The following GARNL3 variants were observed in gnomAD, a reference collection of about 807,000 sequenced individuals.
The protein encoded by GARNL3 is GTPase activating Rap/RanGAP domain like 3, also known as GTPase-activating Rap/Ran-GAP domain-like protein 3.
Under a neutral mutation model 125.0 loss-of-function variants are expected in GARNL3, and 63 were observed. The ratio of observed to expected loss-of-function variants is 0.50; its 90% CI spans 0.41 to 0.62. The LOEUF is 0.62. Among genes scored for constraint, GARNL3 ranks in the 20% least tolerant of loss-of-function variants. The pLI, the probability that GARNL3 is intolerant of heterozygous loss-of-function variation, is 0.00. For synonymous variants in GARNL3, 439 were observed against 457.5 expected (o/e 0.96, Z 0.52); for missense variants, 994 against 1,244.0 (o/e 0.80, Z 3.02).
intron 14 of GARNL3, among the ~76,000 whole-genome samples, chr9:127,343,628 G>A (rs934397783): frequency 5.3e-5 from 8 of 152,128 alleles, no homozygotes; most frequent in East Asian, 1.9e-4. Context: ...GTGCTCAGTC[G>A]GTACTTGCTG....
intron 26 of GARNL3, 142 bp downstream of exon 26, chr9:127,389,261 T>C (rs1484653386): frequency 1.6e-6 from 1 of 631,674 alleles, no homozygotes; most frequent in Non-Finnish European, 2.8e-6. Context: ...TTCTAATACC[T>C]CTATACCAAG....
In GARNL3 at chr9:127,278,828, G is replaced by A. The variant is rs534683141; in HGVS notation, c.145-12340G>A. On this transcript the variant is annotated intron_variant, in intron 1 of 27. Transcript: ENST00000373387. ...CTCTTCTAGTTTCTGGGGTTGCGGC[G>A]GCAATCCTTAACCCCCTTTGGCTTG... Among the ~76,000 whole-genome samples, 10 of 152,184 alleles carry A rather than the reference G, an allele frequency of 6.6e-5. No individual in the cohort carries two copies. The South Asian group carries it at 8.3e-4, about 13-fold the overall frequency.
chr9:127,251,394 T>G (rs1476306789), intron 2 of GARNL3, among the ~76,000 whole-genome samples: 1 of 152,248 alleles, frequency 6.6e-6, no homozygotes, highest in East Asian at 1.9e-4. Context: ...TTCATAGTTT[T>G]TTTTGTTTTG....
chr9:127,376,948 A>G lies in GARNL3; in HGVS notation c.2162-6490A>G, dbSNP rs560943067. On this transcript the variant is annotated intron_variant, in intron 22 of 27. Transcript: ENST00000373387. ...AAATATACTATGCTACTGAATGGGA[A>G]GACTTCATCTTGCAAAGATGTATAT... Among the ~76,000 whole-genome samples the G allele has an allele frequency of 2.3e-3, 345 of 152,360 alleles. 1 individual carries two copies. Among genetic ancestry groups the G allele is most frequent in the Non-Finnish European group, 3.5e-3 (238 of 68,030 alleles).
chr9:127,306,199 G>A, intron 2 of GARNL3, among the ~76,000 whole-genome samples: 1 of 152,062 alleles, frequency 6.6e-6, no homozygotes, highest in Admixed American at 6.6e-5. Context: ...TTAAATACTA[G>A]GATTACGAAG....
At chr9:127,339,788 C>A in intron 13 of GARNL3, 37 bp downstream of exon 13, 1 of 1,241,206 alleles carries the variant, frequency 8.1e-7, no homozygotes, top group Non-Finnish European at 1.2e-6. Flanking sequence ...GCAACTTGTT[C>A]TATGTCAGAA....
At chr9:127,348,818 G>T in intron 16 of GARNL3, 106 bp from the exon 17 acceptor site, 1 of 684,902 alleles carries the variant, frequency 1.5e-6, no homozygotes. Context: ...TCCCACGGGG[G>T]TATCTGTGTT....
intron 20 of GARNL3, chr9:127,356,304 G>T (rs1011195651): frequency 6.6e-6 from 1 of 152,218 alleles, no homozygotes. Flanking sequence ...GGAAGAAGCC[G>T]TGGGCAATGC....
chr9:127,320,488 G>C (rs2065364491), intron 5 of GARNL3, among the ~76,000 whole-genome samples: 1 of 152,210 alleles, frequency 6.6e-6, no homozygotes, highest in Non-Finnish European at 1.5e-5. Flanking sequence ...ACCTGAAACA[G>C]ATGTTCCTGA....
At chr9:127,303,496 A>G (rs914464826) in intron 2 of GARNL3, among the ~76,000 whole-genome samples, 2 of 152,188 alleles carry the variant, frequency 1.3e-5, no homozygotes, top group Non-Finnish European at 2.9e-5. Context: ...TCACATTTTT[A>G]TAATCAGCTT....
intron 1 of GARNL3, among the ~76,000 whole-genome samples, chr9:127,231,815 A>G (rs1374963560): frequency 1.3e-5 from 2 of 152,074 alleles, no homozygotes; most frequent in Non-Finnish European, 2.9e-5. Context: ...CATAGATAGG[A>G]GGAGGGCTTC....
chr9:127,351,934 CCTT>C (rs1230009234), intron 17 of GARNL3, among the ~76,000 whole-genome samples: 10 of 152,348 alleles, frequency 6.6e-5, no homozygotes, highest in African/African-American at 2.2e-4. Flanking sequence ...GCCTCCTCCT[CCTT>C]CTTGTGTTGT....
chr9:127,286,205 G>C (rs899770891), intron 1 of GARNL3, among the ~76,000 whole-genome samples: 1 of 152,174 alleles, frequency 6.6e-6, no homozygotes, highest in Admixed American at 6.5e-5. Context: ...AATAACAAAG[G>C]GCTGGATGCA....
At chr9:127,255,272 T>C (rs1473999206) in intron 2 of GARNL3, among the ~76,000 whole-genome samples, 1 of 152,216 alleles carries the variant, frequency 6.6e-6, no homozygotes, top group African/African-American at 2.4e-5. Flanking sequence ...TGGAGGATAT[T>C]GATGCAGCAG....
intron 2 of GARNL3, among the ~76,000 whole-genome samples, chr9:127,255,101 A>T (rs1271537741): frequency 6.6e-6 from 1 of 152,278 alleles, no homozygotes; most frequent in Non-Finnish European, 1.5e-5. Flanking sequence ...GACACTATGT[A>T]GAAAAAATAA....
At chr9:127,233,362 T>A (rs753149472) in intron 1 of GARNL3, among the ~76,000 whole-genome samples, 48 of 152,206 alleles carry the variant, frequency 3.2e-4, no homozygotes, top group Non-Finnish European at 6.2e-4. Flanking sequence ...GGTCACGTGC[T>A]GAAATCTTCC....
chr9:127,281,050 G>A (rs2064089029), intron 1 of GARNL3, among the ~76,000 whole-genome samples: 1 of 152,310 alleles, frequency 6.6e-6, no homozygotes, highest in South Asian at 2.1e-4. Context: ...TCAGTTGGCA[G>A]GGTGTGAGCG....
intron 6 of GARNL3, among the ~76,000 whole-genome samples, chr9:127,322,843 G>A (rs1291467989): frequency 2.0e-5 from 3 of 152,164 alleles, no homozygotes; most frequent in African/African-American, 7.2e-5. Context: ...CTATACTGTA[G>A]TAACATTTTC....
intron 2 of GARNL3, chr9:127,243,256 A>G (rs1420128646): frequency 1.5e-6 from 2 of 1,366,310 alleles, no homozygotes; most frequent in Admixed American, 3.8e-5. Context: ...ACCTGTAAGT[A>G]AGTAAAAGAA....
Sources: allele counts gnomAD v4.1 joint callset (sites outside exome capture counted in the v4.1 genomes callset), GRCh38; gene constraint gnomAD v4.1.1; transcripts MANE v1.5; gene names NCBI Gene and HGNC (gene_info 2026-07-23, HGNC 2026-07-21).